CAMSAP1: variants seen among roughly 807,000 people sequenced by gnomAD.
CAMSAP1 encodes calmodulin-regulated spectrin-associated protein 1.
A neutral mutation model predicts 143.5 loss-of-function variants in CAMSAP1; 58 were observed. The observed-to-expected ratio is 0.40, with a 90% CI of 0.33 to 0.50. The LOEUF is 0.50. Among genes scored for constraint, CAMSAP1 ranks in the 20% least tolerant of loss-of-function variants. CAMSAP1 has a pLI of 0.45. For synonymous variants in CAMSAP1, 945 were observed against 859.3 expected (o/e 1.10, Z -1.74); for missense variants, 1,969 against 2,115.7 (o/e 0.93, Z 1.36).
chr9:135,869,817 C>A (rs1837508795), intron 3 of CAMSAP1, among the ~76,000 whole-genome samples: 1 of 152,086 alleles, frequency 6.6e-6, no homozygotes, highest in Non-Finnish European at 1.5e-5. Context: ...CAAAACGAGG[C>A]GTAAGCACAC....
chr9:135,872,252 C>T (rs1030118833), intron 3 of CAMSAP1, among the ~76,000 whole-genome samples: 42 of 152,110 alleles, frequency 2.8e-4, no homozygotes, highest in African/African-American at 1.0e-3. Flanking sequence ...TAAAAGAAAG[C>T]CAAAACAGCA....
chr9:135,827,361 G>A (rs376006065), intron 8 of CAMSAP1, 46 bp downstream of exon 8: 499 of 1,413,800 alleles, frequency 3.5e-4, no homozygotes, highest in Non-Finnish European at 4.5e-4. Flanking sequence ...CACAAAAAGG[G>A]ACACAAGATG....
At chr9:135,904,324 G>T (rs188236087) in intron 1 of CAMSAP1, among the ~76,000 whole-genome samples, 1 of 150,956 alleles carries the variant, frequency 6.6e-6, no homozygotes, top group Admixed American at 6.6e-5. Flanking sequence ...ACTTGAGCCC[G>T]GCAGGCGGAG....
chr9:135,825,659 T>A (rs1204812922), intron 8 of CAMSAP1, among the ~76,000 whole-genome samples: 1 of 152,026 alleles, frequency 6.6e-6, no homozygotes, highest in Non-Finnish European at 1.5e-5. Context: ...AGGCACCAGC[T>A]CCCCGAGAAA....
intron 1 of CAMSAP1, among the ~76,000 whole-genome samples, chr9:135,906,706 CCCG>C (rs577000127): frequency 3.3e-5 from 5 of 151,822 alleles, no homozygotes; most frequent in East Asian, 1.9e-4. Flanking sequence ...GCAGCTCCTT[CCCG>C]CCGCCGCCGC....
chr9:135,839,332 C>A (rs1836256514), intron 7 of CAMSAP1, among the ~76,000 whole-genome samples: 1 of 152,212 alleles, frequency 6.6e-6, no homozygotes, highest in African/African-American at 2.4e-5. Flanking sequence ...CCCAACAATG[C>A]CCAGTCTCTG....
chr9:135,879,194 G>A (rs755261771), intron 3 of CAMSAP1, among the ~76,000 whole-genome samples: 5 of 152,016 alleles, frequency 3.3e-5, no homozygotes, highest in Admixed American at 6.6e-5. Flanking sequence ...GTCAGGAGCC[G>A]GAAATACAAT....
chr9:135,875,924 T>C (rs560581154), intron 3 of CAMSAP1, among the ~76,000 whole-genome samples: 1 of 152,270 alleles, frequency 6.6e-6, no homozygotes, highest in South Asian at 2.1e-4. Context: ...TAAAAGGAAA[T>C]ACTGATAAAT....
intron 1 of CAMSAP1, among the ~76,000 whole-genome samples, chr9:135,900,949 T>C (rs974743071): frequency 3.3e-5 from 5 of 151,920 alleles, no homozygotes; most frequent in Non-Finnish European, 5.9e-5. Context: ...AGACGGGGTT[T>C]CACCATGTTG....
intron 1 of CAMSAP1, among the ~76,000 whole-genome samples, chr9:135,890,206 T>C (rs1838247243): frequency 6.6e-6 from 1 of 151,838 alleles, no homozygotes; most frequent in Non-Finnish European, 1.5e-5. Flanking sequence ...CTCACACCTG[T>C]GGAATGCTCC....
chr9:135,821,421 A>T lies in CAMSAP1; in HGVS notation c.3240T>A (p.Ser1080=), dbSNP rs1458922026. 1 of 1,613,900 alleles carries T rather than the reference A, an allele frequency of 6.2e-7. No homozygotes were observed. Among genetic ancestry groups the T allele is most frequent in the Non-Finnish European group, 8.5e-7 (1 of 1,179,896 alleles). ...KAPVHFVEPL[S]PTGVAGHRKA... is the part of the protein sequence containing the mutation. ...TGCGGTGGCCAGCCACGCCCGTGGG[A>T]GAGAGTGGCTCCACGAAGTGGACTG... The change falls in exon 11 of 17, where the codon TCT becomes TCA. Residue 1080 remains serine (S), a synonymous_variant. Transcript: ENST00000389532. The surrounding 1 kb of genome is among the most constrained non-coding windows in gnomAD (Gnocchi z 4.6).
At chr9:135,837,987 G>GCA (rs1564431502) in intron 7 of CAMSAP1, among the ~76,000 whole-genome samples, 8 of 122,914 alleles carry the variant, frequency 6.5e-5, no homozygotes, top group Non-Finnish European at 1.4e-4. Flanking sequence ...ATCATCACAC[G>GCA]CTTTCTACCC....
intron 7 of CAMSAP1, among the ~76,000 whole-genome samples, chr9:135,838,750 CTACA>C (rs1431170266): frequency 6.6e-6 from 1 of 151,096 alleles, no homozygotes; most frequent in Non-Finnish European, 1.5e-5. Flanking sequence ...TCCACCTGTT[CTACA>C]GACACACGTC....
chr9:135,825,897 G>A (rs1334796944), intron 8 of CAMSAP1, among the ~76,000 whole-genome samples: 4 of 152,208 alleles, frequency 2.6e-5, no homozygotes, highest in Admixed American at 6.5e-5. Context: ...GTGTGCAGGA[G>A]CACACAAGCG....
rs534685937 is a variant in CAMSAP1, at chr9:135,820,825, T to A, written c.3822+14A>T. The A allele has an allele frequency of 2.3e-4, 378 of 1,610,972 alleles. 2 individuals carry two copies. In the South Asian group the frequency reaches 3.7e-3, roughly 16 times the overall value. On this transcript the variant is annotated intron_variant, in intron 11 of 16. Coordinates refer to ENST00000389532, the MANE Select transcript of CAMSAP1 (RefSeq NM_015447.4). This position sits in a 1 kb window ranked among gnomAD's most constrained non-coding sequence, Gnocchi z 4.4. Reference sequence around the variant, plus strand: ...CATCACGAGTGCCTGAAACAGATGCTACCAATCCCTTACCTTGAAGAAGAA... The same window carrying A: ...CATCACGAGTGCCTGAAACAGATGCAACCAATCCCTTACCTTGAAGAAGAA...
intron 1 of CAMSAP1, among the ~76,000 whole-genome samples, chr9:135,897,066 CCT>C (rs1326368415): frequency 6.6e-6 from 1 of 152,182 alleles, no homozygotes; most frequent in East Asian, 1.9e-4. Context: ...ACAGCAGTCC[CCT>C]CTTATCCCCA....
At chr9:135,872,478 A>G (rs1036255614) in intron 3 of CAMSAP1, among the ~76,000 whole-genome samples, 2 of 152,234 alleles carry the variant, frequency 1.3e-5, no homozygotes, top group Non-Finnish European at 2.9e-5. Flanking sequence ...AAGAAAAAGA[A>G]AAGAGATAAA....
chr9:135,860,452 G>C (rs564248413), intron 5 of CAMSAP1, among the ~76,000 whole-genome samples: 1 of 152,058 alleles, frequency 6.6e-6, no homozygotes, highest in South Asian at 2.1e-4. Context: ...ACAAAAATTA[G>C]CTGGGTGTGG....
intron 1 of CAMSAP1, among the ~76,000 whole-genome samples, chr9:135,886,818 G>A (rs1838138882): frequency 6.6e-6 from 1 of 152,226 alleles, no homozygotes; most frequent in African/African-American, 2.4e-5. Context: ...CCCCGGGAAG[G>A]GGAACCACTG....
Sources: allele counts gnomAD v4.1 joint callset (sites outside exome capture counted in the v4.1 genomes callset), GRCh38; gene constraint gnomAD v4.1.1; non-coding constraint Gnocchi (gnomAD v3.1); transcripts MANE v1.5; gene names NCBI Gene and HGNC (gene_info 2026-07-23, HGNC 2026-07-21).